KCND2: variants seen among roughly 807,000 people sequenced by gnomAD.
KCND2 encodes the protein potassium voltage-gated channel subfamily D member 2, also known as A-type voltage-gated potassium channel KCND2.
Under a neutral mutation model 54.4 loss-of-function variants are expected in KCND2, and 16 were observed. The observed-to-expected ratio is 0.29, with a 90% confidence interval of 0.20 to 0.45. KCND2 has a LOEUF of 0.45. Ranked by LOEUF, KCND2 falls within the 20% of genes least tolerant of loss-of-function variation. The probability of loss-of-function intolerance (pLI) is 1.00; values close to 1 mark genes in which losing one functional copy is unlikely to be tolerated. For synonymous variants in KCND2, 317 were observed against 310.7 expected, an observed-to-expected ratio of 1.02 and a Z score of -0.21; for missense variants, 486 against 824.2, an observed-to-expected ratio of 0.59 and a Z score of 5.02.
intron 1 of KCND2, among the ~76,000 whole-genome samples, chr7:120,554,918 T>G (rs1272375571): frequency 6.6e-6 from 1 of 152,218 alleles, no homozygotes; most frequent in East Asian, 1.9e-4. Context: ...CTAATCCCCT[T>G]TCTTCACTCC....
chr7:120,326,634 A>T (rs1374305141), intron 1 of KCND2, among the ~76,000 whole-genome samples: 1 of 152,124 alleles, frequency 6.6e-6, no homozygotes, highest in Non-Finnish European at 1.5e-5. Context: ...ATTATATGAG[A>T]ATATGGATAC....
chr7:120,632,817 A>G (rs17142875), intron 1 of KCND2, among the ~76,000 whole-genome samples: 19,267 of 152,118 alleles, frequency 0.13, 1,710 homozygotes, highest in East Asian at 0.46. Context: ...TGTTACCTTC[A>G]GAGGTAGCTT....
intron 1 of KCND2, among the ~76,000 whole-genome samples, chr7:120,432,877 A>T (rs915898203): frequency 1.3e-5 from 2 of 152,054 alleles, no homozygotes; most frequent in Non-Finnish European, 2.9e-5. Context: ...CAGATCTATC[A>T]TTCTAGGTCC....
At chr7:120,351,782 T>A (rs1427736786) in intron 1 of KCND2, among the ~76,000 whole-genome samples, 1 of 151,908 alleles carries the variant, frequency 6.6e-6, no homozygotes, top group African/African-American at 2.4e-5. Context: ...TTTTCTTTTC[T>A]TTTCTTTTTC....
At chr7:120,512,801 CTTT>C (rs796237031) in intron 1 of KCND2, among the ~76,000 whole-genome samples, 8 of 137,402 alleles carry the variant, frequency 5.8e-5, no homozygotes, top group Non-Finnish European at 6.4e-5. Context: ...TTTCTTTTTT[CTTT>C]TTTTTTTTTT....
At chr7:120,545,735 T>A (rs1792034683) in intron 1 of KCND2, among the ~76,000 whole-genome samples, 1 of 151,652 alleles carries the variant, frequency 6.6e-6, no homozygotes, top group South Asian at 2.1e-4. Context: ...CAAGCATAAC[T>A]TTAGAAAAAA....
At chr7:120,539,971 A>G (rs987318528) in intron 1 of KCND2, among the ~76,000 whole-genome samples, 4 of 152,328 alleles carry the variant, frequency 2.6e-5, no homozygotes, top group Non-Finnish European at 4.4e-5. Context: ...GCCGTGCCAG[A>G]GACGAAGAGG....
chr7:120,402,074 A>C (rs1801263200), intron 1 of KCND2, among the ~76,000 whole-genome samples: 2 of 152,208 alleles, frequency 1.3e-5, no homozygotes, highest in Middle Eastern at 3.2e-3. Flanking sequence ...TTGCTTTAAC[A>C]AACGGAAAAT....
At chr7:120,421,091 T>G (rs554322112) in intron 1 of KCND2, among the ~76,000 whole-genome samples, 2 of 152,168 alleles carry the variant, frequency 1.3e-5, no homozygotes, top group Admixed American at 6.5e-5. Flanking sequence ...TGAAATACAG[T>G]TAAAATTATG....
chr7:120,280,019 C>G (rs1402812142), intron 1 of KCND2, among the ~76,000 whole-genome samples: 1 of 151,854 alleles, frequency 6.6e-6, no homozygotes, highest in African/African-American at 2.4e-5. Context: ...TCCCTTGTGC[C>G]AACATCTATA....
chr7:120,485,626 A>T (rs910971244), intron 1 of KCND2, among the ~76,000 whole-genome samples: 1 of 152,218 alleles, frequency 6.6e-6, no homozygotes, highest in Non-Finnish European at 1.5e-5. Flanking sequence ...ACAGTAGAGG[A>T]TGCTTTTTAA....
chr7:120,403,482 ATTTTTTTTT>A (rs528759246), intron 1 of KCND2, among the ~76,000 whole-genome samples: 1 of 130,928 alleles, frequency 7.6e-6, no homozygotes, highest in Admixed American at 7.8e-5. Context: ...GGCCCGGCTA[ATTTTTTTTT>A]TTTTTTTTTT....
At chr7:120,554,707 C>T (rs1473620625) in intron 1 of KCND2, among the ~76,000 whole-genome samples, 1 of 152,120 alleles carries the variant, frequency 6.6e-6, no homozygotes, top group Non-Finnish European at 1.5e-5. Context: ...CGCGCCTGGC[C>T]GAGAATTTAC....
chr7:120,653,937 T>C (rs1791770119), intron 1 of KCND2, among the ~76,000 whole-genome samples: 1 of 152,176 alleles, frequency 6.6e-6, no homozygotes, highest in South Asian at 2.1e-4. Flanking sequence ...AGCAGGCTTG[T>C]TTCCCCACAG....
rs368131147 is a variant in KCND2, at chr7:120,531,720, G to A, written c.1116-201183G>A. ...CAGTTCTCAGACTTCACCTTATTTC[G>A]TATTTCACTTTTATTCAACACAGTT... On this transcript the variant is annotated intron_variant, in intron 1 of 5. Transcript: ENST00000331113. Among the ~76,000 whole-genome samples, 44 of 152,090 alleles carry A rather than the reference G, an allele frequency of 2.9e-4. 2 individuals carry two copies. In the East Asian group the frequency reaches 4.6e-3, roughly 16 times the overall value.
intron 1 of KCND2, among the ~76,000 whole-genome samples, chr7:120,520,222 G>A (rs112956716): frequency 5.9e-5 from 9 of 151,932 alleles, no homozygotes; most frequent in African/African-American, 2.2e-4. Flanking sequence ...AGTGGATAAG[G>A]TATTTAAAGA....
chr7:120,453,057 A>G (rs970245994), intron 1 of KCND2, among the ~76,000 whole-genome samples: 1 of 152,136 alleles, frequency 6.6e-6, no homozygotes, highest in Non-Finnish European at 1.5e-5. Context: ...GCTCCAGTAG[A>G]CCAGCCCTTG....
At chr7:120,659,814 G>A (rs1791844546) in intron 1 of KCND2, among the ~76,000 whole-genome samples, 1 of 152,166 alleles carries the variant, frequency 6.6e-6, no homozygotes, top group Non-Finnish European at 1.5e-5. Context: ...GAAAACTAGG[G>A]TTTTGCATCC....
intron 1 of KCND2, among the ~76,000 whole-genome samples, chr7:120,568,408 G>A (rs1792324533): frequency 6.6e-6 from 1 of 151,926 alleles, no homozygotes; most frequent in Admixed American, 6.6e-5. Flanking sequence ...ATATCTTCTT[G>A]AACTTCAAAT....
Sources: gnomAD v4.1 joint callset for allele counts (sites outside exome capture counted in the v4.1 genomes callset) on GRCh38, gnomAD v4.1.1 for gene constraint, MANE v1.5 for transcripts, NCBI Gene and HGNC (gene_info 2026-07-23, HGNC 2026-07-21) for gene names.